The following SIL1 variants were observed in gnomAD, a reference collection of about 807,000 sequenced individuals.
SIL1 encodes the protein nucleotide exchange factor SIL1.
In SIL1, 40 loss-of-function variants were observed where a neutral mutation model predicts 49.1. The observed-to-expected ratio is 0.81, with a 90% CI of 0.63 to 1.06. The LOEUF (loss-of-function observed/expected upper bound fraction) is 1.06, where lower values mean the gene tolerates loss of function less well. SIL1 is among the 50% of genes least tolerant of loss of function. The pLI, the probability that SIL1 is intolerant of heterozygous loss-of-function variation, is 0.00. For missense variants in SIL1, 500 were observed against 572.6 expected (o/e 0.87, Z 1.29); for synonymous variants, 253 against 250.8 (o/e 1.01, Z -0.08).
chr5:139,142,040 A>G (rs1289195257), intron 1 of SIL1, among the ~76,000 whole-genome samples: 1 of 152,192 alleles, frequency 6.6e-6, no homozygotes, highest in East Asian at 1.9e-4. Flanking sequence ...TTGACCCTGT[A>G]AGGGCAGTTT....
At position 139,050,804 on chromosome 5, in the gene SIL1, A is replaced by G. The variant is rs1769267925; in HGVS notation, c.353+134T>C. 3 of 775,994 alleles carry G rather than the reference A, an allele frequency of 3.9e-6. 1 individual carries two copies. The Admixed American group carries it at 6.5e-5, about 17-fold the overall frequency. 48.1% of individuals were successfully genotyped at this position (775,994 alleles called of 1,614,324 possible). ...AAGTAAACTTTCATAAAACCCTGAC[A>G]GATTTATCACAAATTCTATGCTATT... On this transcript the variant is annotated intron_variant, in intron 4 of 9. Coordinates refer to ENST00000394817, the MANE Select transcript of SIL1 (RefSeq NM_022464.5).
intron 1 of SIL1, among the ~76,000 whole-genome samples, chr5:139,174,370 G>A (rs1751836623): frequency 6.6e-6 from 1 of 152,178 alleles, no homozygotes; most frequent in African/African-American, 2.4e-5. Context: ...GGTGGCAGGT[G>A]CCTGTGGTCC....
chr5:139,012,251 CCTT>C (rs1768292480), intron 7 of SIL1: 1 of 152,290 alleles, frequency 6.6e-6, no homozygotes, highest in African/African-American at 2.4e-5. Context: ...GACGGGGTCT[CCTT>C]ATGTTGCCCA....
chr5:138,955,614 G>A (rs1349651834), intron 7 of SIL1, among the ~76,000 whole-genome samples: 1 of 152,206 alleles, frequency 6.6e-6, no homozygotes, highest in Admixed American at 6.5e-5. Flanking sequence ...TCGGCCAGGG[G>A]GCCCAGGAGA....
intron 3 of SIL1, among the ~76,000 whole-genome samples, chr5:139,072,259 T>C (rs1769851317): frequency 6.6e-6 from 1 of 152,154 alleles, no homozygotes; most frequent in Non-Finnish European, 1.5e-5. Flanking sequence ...TAATACATTC[T>C]AAAATGAAAA....
chr5:139,122,869 T>C (rs1027900759), intron 2 of SIL1, among the ~76,000 whole-genome samples: 2 of 152,134 alleles, frequency 1.3e-5, no homozygotes, highest in South Asian at 2.1e-4. Context: ...ATATGCATAG[T>C]TATGAGAGGC....
chr5:139,055,870 A>T (rs10062855), intron 3 of SIL1, among the ~76,000 whole-genome samples: 1 of 150,858 alleles, frequency 6.6e-6, no homozygotes. Context: ...ACGGGGTTTC[A>T]CTGTGTTGGC....
In SIL1 at chr5:139,139,231, C is replaced by T. The variant is rs545057719; in HGVS notation, c.-10-11378G>A. Among the ~76,000 whole-genome samples, 12 of 152,288 alleles carry T rather than the reference C, an allele frequency of 7.9e-5. No homozygotes were observed. The South Asian group carries it at 1.7e-3, about 21-fold the overall frequency. On this transcript the variant is annotated intron_variant, in intron 1 of 9. Coordinates refer to ENST00000394817, the MANE Select transcript of SIL1 (RefSeq NM_022464.5). ...TAACTGGATCTCCTGACAGTATGTG[C>T]GATGGGCTTTCTCTATAGCCTGCTC...
At chr5:139,058,828 G>GC in intron 3 of SIL1, among the ~76,000 whole-genome samples, 1 of 151,774 alleles carries the variant, frequency 6.6e-6, no homozygotes, top group East Asian at 1.9e-4. Flanking sequence ...ACGAGCCCTA[G>GC]TTTTTTTTCT....
At chr5:139,024,227 G>T (rs543596833) in intron 6 of SIL1, among the ~76,000 whole-genome samples, 1 of 152,276 alleles carries the variant, frequency 6.6e-6, no homozygotes, top group African/African-American at 2.4e-5. Context: ...CATCAAAGGA[G>T]GACTGAGTTG....
intron 7 of SIL1, among the ~76,000 whole-genome samples, chr5:138,955,659 C>A (rs1244919193): frequency 6.6e-6 from 1 of 152,214 alleles, no homozygotes; most frequent in African/African-American, 2.4e-5. Context: ...GCTGACTTCA[C>A]CCTTGGGCTC....
At position 138,946,984 on chromosome 5, in the gene SIL1, G is replaced by A. The variant is rs1274809584; in HGVS notation, c.*133C>T. The A allele has an allele frequency of 5.4e-6, 4 of 742,266 alleles. No individual in the cohort carries two copies. The Admixed American group carries it at 8.1e-5, about 15-fold the overall frequency. The allele number at this position is 742,266 out of a possible 1,614,324, so 46.0% of individuals were successfully genotyped here. A position where few individuals can be genotyped will look rare whatever the true frequency, so the allele number is the denominator to read the frequency against. ...AGTCTACACAGACACACAGCAGAAA[G>A]AGGATGGCCTTCAGGTTTCCATTTA... On this transcript the variant is annotated 3_prime_UTR_variant, in exon 10 of 10. Coordinates refer to ENST00000394817, the MANE Select transcript of SIL1 (RefSeq NM_022464.5).
intron 3 of SIL1, among the ~76,000 whole-genome samples, chr5:139,107,088 T>G (rs1770730290): frequency 6.6e-6 from 1 of 152,196 alleles, no homozygotes; most frequent in African/African-American, 2.4e-5. Flanking sequence ...CCAGTTGCTG[T>G]ATGGCCCCGC....
intron 1 of SIL1, among the ~76,000 whole-genome samples, chr5:139,191,220 T>TC (rs1260641139): frequency 5.0e-4 from 28 of 56,192 alleles, no homozygotes; most frequent in African/African-American, 1.9e-3. Flanking sequence ...AGACTCTGTC[T>TC]CAAAAAAAAA....
chr5:139,191,415 T>A (rs1752169609), intron 1 of SIL1, among the ~76,000 whole-genome samples: 1 of 152,100 alleles, frequency 6.6e-6, no homozygotes, highest in Admixed American at 6.6e-5. Context: ...TTTGGTCAGA[T>A]GGCTGCTTTC....
At chr5:138,983,564 G>C (rs1767580692) in intron 7 of SIL1, among the ~76,000 whole-genome samples, 3 of 151,196 alleles carry the variant, frequency 2.0e-5, no homozygotes, top group African/African-American at 7.3e-5. Flanking sequence ...CCAGAGGCTG[G>C]AGTGCCACAC....
At chr5:139,128,646 C>A (rs1417395287) in intron 1 of SIL1, among the ~76,000 whole-genome samples, 1 of 137,788 alleles carries the variant, frequency 7.3e-6, no homozygotes, top group South Asian at 2.5e-4. Context: ...GAGACCCCAT[C>A]CCTCCAAAAA....
chr5:138,993,452 G>A (rs755174989), intron 7 of SIL1, among the ~76,000 whole-genome samples: 1 of 152,156 alleles, frequency 6.6e-6, no homozygotes, highest in African/African-American at 2.4e-5. Flanking sequence ...ATGATGTCTA[G>A]GCCACAGCCA....
intron 3 of SIL1, among the ~76,000 whole-genome samples, chr5:139,091,401 A>C (rs2151776516): frequency 6.6e-6 from 1 of 152,316 alleles, no homozygotes; most frequent in South Asian, 2.1e-4. Flanking sequence ...AAAAGACTAC[A>C]GATATAAACA....
Sources: allele counts gnomAD v4.1 joint callset (sites outside exome capture counted in the v4.1 genomes callset), GRCh38; gene constraint gnomAD v4.1.1; transcripts MANE v1.5; gene names NCBI Gene and HGNC (gene_info 2026-07-23, HGNC 2026-07-21).